The following RAI1 variants were observed in gnomAD, a reference collection of about 807,000 sequenced individuals.
The protein encoded by RAI1 is retinoic acid induced 1, also known as retinoic acid-induced protein 1.
RAI1 carries 9 observed loss-of-function variants against 123.8 expected under a neutral mutation model. That is an observed-to-expected ratio of 0.07 (90% CI 0.04 to 0.13). The LOEUF (loss-of-function observed/expected upper bound fraction) is 0.13, where lower values mean the gene tolerates loss of function less well. Ranked by LOEUF, RAI1 falls within the 10% of genes least tolerant of loss-of-function variation. The pLI, the probability that RAI1 is intolerant of heterozygous loss-of-function variation, is 1.00. For missense variants in RAI1, 2,256 were observed against 2,545.8 expected (o/e 0.89, Z 2.45); for synonymous variants, 1,231 against 1,127.3 (o/e 1.09, Z -1.84).
At chr17:17,758,315 T>C (rs1200630262) in intron 2 of RAI1, among the ~76,000 whole-genome samples, 1 of 152,022 alleles carries the variant, frequency 6.6e-6, no homozygotes, top group African/African-American at 2.4e-5. Flanking sequence ...GCAGAGGAAA[T>C]GGGTGGCTTA....
rs559355160 is a variant in RAI1, at chr17:17,750,533, C to A, written c.-17+26374C>A. Among the ~76,000 whole-genome samples, 13 of 151,608 alleles carry A rather than the reference C, an allele frequency of 8.6e-5. No homozygotes were observed. The South Asian group carries it at 2.7e-3, about 32-fold the overall frequency. On this transcript the variant is annotated intron_variant, in intron 2 of 5. Coordinates refer to ENST00000353383, the MANE Select transcript of RAI1 (RefSeq NM_030665.4). ...GGTCGAGAGTTTGAGACCAGCCTAACCAACATGGAGAAACCTTGTCTCTAC... is the reference window on the plus strand; with the variant it reads ...GGTCGAGAGTTTGAGACCAGCCTAAACAACATGGAGAAACCTTGTCTCTAC...
intron 2 of RAI1, among the ~76,000 whole-genome samples, chr17:17,749,461 G>C (rs773546862): frequency 6.6e-5 from 10 of 152,226 alleles, no homozygotes; most frequent in Admixed American, 2.6e-4. Context: ...GGAGCACTTC[G>C]AGTGTGCTAT....
At chr17:17,741,994 G>A (rs1029265145) in intron 2 of RAI1, among the ~76,000 whole-genome samples, 1 of 152,250 alleles carries the variant, frequency 6.6e-6, no homozygotes, top group Non-Finnish European at 1.5e-5. Flanking sequence ...TGGCAAGCTG[G>A]TCCTACCCTT....
At position 17,690,176 on chromosome 17, in the gene RAI1, G is replaced by A. The variant is rs566499118; in HGVS notation, c.-149+8383G>A. The stretch of plus-strand genomic sequence containing the variant: ...GAGGTGAGTGGATCACCTGAGCCCG[G>A]GAGTTCGAGACCAGCCTGGCCAAAC... On this transcript the variant is annotated intron_variant, in intron 1 of 5. Transcript: ENST00000353383. 5.3e-5 allele frequency among the ~76,000 whole-genome samples: 8 copies of A among 152,172 alleles called. No individual in the cohort carries two copies. In the East Asian group the frequency reaches 1.5e-3, roughly 29 times the overall value.
At position 17,796,179 on chromosome 17, in the gene RAI1, C is replaced by A; in HGVS notation, c.3231C>A (p.Thr1077=). 6.4e-7 allele frequency: 1 copy of A among 1,554,348 alleles called. No homozygotes were observed. The highest frequency in any genetic ancestry group is 1.4e-5 in the African/African-American group (1 of 73,326). The change falls in exon 3 of 6, where the codon ACC becomes ACA. Residue 1077 remains threonine (T), a synonymous_variant. Coordinates refer to ENST00000353383, the MANE Select transcript of RAI1 (RefSeq NM_030665.4). The surrounding 1 kb of genome is among the most constrained non-coding windows in gnomAD (Gnocchi z 5.8). ...RTPGPPGLTT[T]PAPPDKLGGK... ...CCGGACCCCCAGGCCTGACCACCAC[C>A]CCTGCACCCCCAGACAAACTGGGGG...
At chr17:17,701,451 C>T (rs1369217683) in intron 1 of RAI1, among the ~76,000 whole-genome samples, 2 of 152,200 alleles carry the variant, frequency 1.3e-5, no homozygotes, top group East Asian at 1.9e-4. Flanking sequence ...CCTGCCCCTC[C>T]TCTCTCCCTC....
chr17:17,750,450 G>A (rs62064092), intron 2 of RAI1, among the ~76,000 whole-genome samples: 2 of 152,112 alleles, frequency 1.3e-5, no homozygotes, highest in Non-Finnish European at 2.9e-5. Flanking sequence ...GGCCGGGCAC[G>A]GTGGCTCATG....
At chr17:17,778,434 T>C in intron 2 of RAI1, 1 of 284,108 alleles carries the variant, frequency 3.5e-6, no homozygotes, top group South Asian at 3.5e-5. Flanking sequence ...CACTGAAAGT[T>C]TGCTGTTTAA....
At chr17:17,777,465 A>C (rs925320205) in intron 2 of RAI1, 3 of 152,224 alleles carry the variant, frequency 2.0e-5, no homozygotes, top group Non-Finnish European at 2.9e-5. Flanking sequence ...CTCATCTGTA[A>C]AACAGTGGTG....
chr17:17,792,086 C>T (rs2143001217), intron 2 of RAI1, among the ~76,000 whole-genome samples: 1 of 152,248 alleles, frequency 6.6e-6, no homozygotes, highest in South Asian at 2.1e-4. Flanking sequence ...CCTGGGACTG[C>T]ATCTCTACTC....
chr17:17,793,219 C>T lies in RAI1; in HGVS notation c.271C>T (p.Leu91=), dbSNP rs2032088108. Residue 91 remains leucine, a synonymous_variant, in exon 3 of 6, where the codon CTG becomes TTG. Coordinates refer to ENST00000353383, the MANE Select transcript of RAI1 (RefSeq NM_030665.4). ...CAAGGCCCTGCCCACACAGCAAGGCCTGCAGGGGAGGCCGGCTTTCCCTGG... is the reference window on the plus strand; with the variant it reads ...CAAGGCCCTGCCCACACAGCAAGGCTTGCAGGGGAGGCCGGCTTTCCCTGG... ...GSKALPTQQG[L]QGRPAFPGYG... is the part of the protein sequence containing the mutation. 6.2e-7 allele frequency: 1 copy of T among 1,611,946 alleles called. No homozygotes were observed. The highest frequency in any genetic ancestry group is 8.5e-7 in the Non-Finnish European group (1 of 1,179,424).
intron 1 of RAI1, among the ~76,000 whole-genome samples, chr17:17,697,547 A>G (rs1198640535): frequency 6.6e-6 from 1 of 152,218 alleles, no homozygotes. Context: ...GCTGGGGCCG[A>G]GATTGATGTG....
chr17:17,692,937 T>C (rs1914889432), intron 1 of RAI1, among the ~76,000 whole-genome samples: 1 of 152,118 alleles, frequency 6.6e-6, no homozygotes, highest in Non-Finnish European at 1.5e-5. Flanking sequence ...TGCCTATCAG[T>C]GTTGGGTTTC....
chr17:17,697,881 G>A (rs942797783), intron 1 of RAI1, among the ~76,000 whole-genome samples: 1 of 152,204 alleles, frequency 6.6e-6, no homozygotes, highest in Non-Finnish European at 1.5e-5. Flanking sequence ...GTGTGTGGCC[G>A]AGTAGCTGTT....
Position 17,796,802 on chromosome 17 carries a change from A to G in RAI1, c.3854A>G (p.Asn1285Ser), listed in dbSNP as rs545104464. 1.1e-5 allele frequency: 17 copies of G among 1,611,608 alleles called. No homozygotes were observed. The South Asian group carries it at 1.3e-4, about 12-fold the overall frequency. The change falls in exon 3 of 6, where the codon AAT (asparagine) becomes AGT (serine). Residue 1285 changes from asparagine to serine, a missense_variant. Transcript: ENST00000353383. This position sits in a 1 kb window ranked among gnomAD's most constrained non-coding sequence, Gnocchi z 5.8. Reference sequence around the variant, plus strand: ...AAGAAAGCCAAGCCCACCAAGGGCAATGGCGAGCCTGCCACAAAGCTCCCA... The same window carrying G: ...AAGAAAGCCAAGCCCACCAAGGGCAGTGGCGAGCCTGCCACAAAGCTCCCA... ...SPKKAKPTKGNGEPATKLPPP... is the reference protein window; with the variant it reads ...SPKKAKPTKGSGEPATKLPPP...
At chr17:17,773,370 C>T (rs1357457538) in intron 2 of RAI1, among the ~76,000 whole-genome samples, 4 of 152,142 alleles carry the variant, frequency 2.6e-5, no homozygotes, top group Admixed American at 1.3e-4. Context: ...GGTTGCTTGG[C>T]GTCCCTGCAG....
Position 17,797,773 on chromosome 17 carries a change from A to G in RAI1, c.4825A>G (p.Thr1609Ala), listed in dbSNP as rs773674074. 2 of 1,613,794 alleles carry G rather than the reference A, an allele frequency of 1.2e-6. No individual in the cohort carries two copies. The highest frequency in any genetic ancestry group is 2.7e-5 in the African/African-American group (2 of 74,858). ...VRVEKRDAFT[T>A]ICTVVNSPGD... ...GGTGGAGAAGCGAGACGCGTTCACC[A>G]CCATATGCACTGTTGTCAACTCCCC... The change falls in exon 3 of 6, where the codon ACC becomes GCC. Residue 1609 changes from threonine (T) to alanine (A), a missense_variant. By Grantham distance (58) the Thr-to-Ala change is moderately conservative. Around this residue, in one of 7 missense-constraint regions of RAI1, gnomAD observed 410 missense variants for 374.6 expected, o/e 1.09. Transcript: ENST00000353383.
At chr17:17,713,725 TTTTG>T (rs1289537300) in intron 1 of RAI1, among the ~76,000 whole-genome samples, 1 of 152,156 alleles carries the variant, frequency 6.6e-6, no homozygotes, top group African/African-American at 2.4e-5. Flanking sequence ...GGATTCTGGA[TTTTG>T]TTTGTTTTCT....
chr17:17,799,856 T>A lies in RAI1; in HGVS notation c.5565+1343T>A, dbSNP rs2032394453. 6.6e-6 allele frequency among the ~76,000 whole-genome samples: 1 copy of A among 151,628 alleles called. No homozygotes were observed. Among genetic ancestry groups the A allele is most frequent in the Non-Finnish European group, 1.5e-5 (1 of 67,908 alleles). ...TGCAGCCCCTCTGAGCAGCCCCTGC[T>A]CCTGACAGTTGCCGTGGCATTGCCT... On this transcript the variant is annotated intron_variant, in intron 3 of 5. Coordinates refer to ENST00000353383, the MANE Select transcript of RAI1 (RefSeq NM_030665.4). This position sits in a 1 kb window ranked among gnomAD's most constrained non-coding sequence, Gnocchi z 4.5.
Sources: gnomAD v4.1 joint callset for allele counts (sites outside exome capture counted in the v4.1 genomes callset) on GRCh38, gnomAD v4.1.1 for gene constraint, gnomAD v4.1.1 regional missense constraint, Gnocchi (gnomAD v3.1) non-coding constraint, MANE v1.5 for transcripts, NCBI Gene and HGNC (gene_info 2026-07-23, HGNC 2026-07-21) for gene names.